The following SHC3 variants were observed in gnomAD, a reference collection of about 807,000 sequenced individuals.
The protein encoded by SHC3 is SHC-transforming protein 3.
In SHC3, 15 loss-of-function variants were observed where a neutral mutation model predicts 60.4. The ratio of observed to expected loss-of-function variants is 0.25; its 90% CI spans 0.17 to 0.38. SHC3 has a LOEUF of 0.38. Among genes scored for constraint, SHC3 ranks in the 10% least tolerant of loss-of-function variants. The probability of loss-of-function intolerance (pLI) is 1.00; values close to 1 mark genes in which losing one functional copy is unlikely to be tolerated. For missense variants in SHC3, 677 were observed against 786.1 expected (o/e 0.86, Z 1.66); for synonymous variants, 294 against 325.9 (o/e 0.90, Z 1.05).
intron 7 of SHC3, among the ~76,000 whole-genome samples, chr9:89,049,105 C>CA (rs1189727151): frequency 2.6e-5 from 4 of 151,990 alleles, no homozygotes; most frequent in Non-Finnish European, 4.4e-5. Context: ...ACTAAAAATA[C>CA]AAAAAATTAG....
intron 9 of SHC3, among the ~76,000 whole-genome samples, chr9:89,044,512 T>C (rs1206548676): frequency 6.6e-6 from 1 of 152,226 alleles, no homozygotes; most frequent in Middle Eastern, 3.2e-3. Context: ...TTTAGATACA[T>C]AGAAGCATCA....
chr9:89,128,907 A>T (rs1051939000), intron 1 of SHC3, among the ~76,000 whole-genome samples: 14 of 152,188 alleles, frequency 9.2e-5, no homozygotes, highest in African/African-American at 3.1e-4. Flanking sequence ...AGAATGACTT[A>T]GACAAGTTGA....
At chr9:89,092,295 T>C (rs1825633545) in intron 2 of SHC3, among the ~76,000 whole-genome samples, 1 of 152,164 alleles carries the variant, frequency 6.6e-6, no homozygotes, top group Non-Finnish European at 1.5e-5. Context: ...GACTATATTA[T>C]CATACAGCCA....
intron 6 of SHC3, among the ~76,000 whole-genome samples, chr9:89,053,310 G>A (rs1824892656): frequency 6.6e-6 from 1 of 152,338 alleles, no homozygotes; most frequent in East Asian, 1.9e-4. Flanking sequence ...ATTTCTTCAT[G>A]AGTTGTTGTT....
intron 1 of SHC3, among the ~76,000 whole-genome samples, chr9:89,141,428 A>C (rs745349524): frequency 2.0e-5 from 3 of 152,192 alleles, no homozygotes; most frequent in Non-Finnish European, 4.4e-5. Context: ...ATTAATCAAA[A>C]CTTTATGAAG....
chr9:89,130,700 A>C (rs1471270129), intron 1 of SHC3, among the ~76,000 whole-genome samples: 1 of 152,220 alleles, frequency 6.6e-6, no homozygotes, highest in East Asian at 1.9e-4. Flanking sequence ...AGAAATAAAG[A>C]TGCTCTTTGA....
At chr9:89,116,048 T>C (rs117677199) in intron 1 of SHC3, among the ~76,000 whole-genome samples, 2 of 152,214 alleles carry the variant, frequency 1.3e-5, no homozygotes, top group East Asian at 1.9e-4. Context: ...AGCAGAACCA[T>C]AGCACAGTTA....
rs528117518 is a variant in SHC3 at position 89,023,568 on chromosome 9, G to C, written c.1657-9993C>G. The stretch of plus-strand genomic sequence containing the variant: ...AAAACTGCTTGGCTTGGGGGAGGTG[G>C]AACTTCTTCCTGGCTACTTCTTTTA... On this transcript the variant is annotated intron_variant, in intron 11 of 11. Coordinates refer to ENST00000375835, the MANE Select transcript of SHC3 (RefSeq NM_016848.6). Among the ~76,000 whole-genome samples, 4 of 152,288 alleles carry C rather than the reference G, an allele frequency of 2.6e-5. No individual in the cohort carries two copies. The South Asian group carries it at 8.3e-4, about 32-fold the overall frequency.
chr9:89,053,361 C>T (rs1331340798), intron 6 of SHC3, among the ~76,000 whole-genome samples: 1 of 152,178 alleles, frequency 6.6e-6, no homozygotes, highest in Admixed American at 6.5e-5. Flanking sequence ...TGAACTGTGC[C>T]CTCCCTATAG....
intron 11 of SHC3, chr9:89,037,651 A>G: frequency 1.5e-6 from 1 of 654,048 alleles, no homozygotes; most frequent in Non-Finnish European, 2.8e-6. Flanking sequence ...TAAATATTAA[A>G]AGCCTAGGAG....
At chr9:89,132,008 C>A (rs940979480) in intron 1 of SHC3, among the ~76,000 whole-genome samples, 14 of 152,144 alleles carry the variant, frequency 9.2e-5, no homozygotes, top group African/African-American at 3.4e-4. Context: ...ATTTAGAAAA[C>A]CCCATCGTCT....
chr9:89,146,173 T>A (rs1350097499), intron 1 of SHC3, among the ~76,000 whole-genome samples: 1 of 151,692 alleles, frequency 6.6e-6, no homozygotes, highest in African/African-American at 2.4e-5. Flanking sequence ...CTGGTCAACA[T>A]GGTGAAACCC....
intron 1 of SHC3, among the ~76,000 whole-genome samples, chr9:89,157,823 T>C (rs1165076692): frequency 6.6e-6 from 1 of 152,106 alleles, no homozygotes; most frequent in Non-Finnish European, 1.5e-5. Flanking sequence ...GATCTGGCTA[T>C]GTTGCCCAGG....
intron 2 of SHC3, among the ~76,000 whole-genome samples, chr9:89,105,891 G>T (rs1825851822): frequency 6.6e-6 from 1 of 152,156 alleles, no homozygotes; most frequent in Non-Finnish European, 1.5e-5. Flanking sequence ...TGAATTGGTA[G>T]ATATTAATAA....
rs1302705723 is a variant in SHC3, at chr9:89,013,492, T to G, written c.1740A>C (p.Ala580=). The part of the protein sequence containing the change: ...HLESSLPIVS[A]GSELCLQQPV... ...GCTGCTGGAGACACAGCTCACTCCCTGCAGAGACAATGGGCAGGCTGCTTT... is the reference window on the plus strand; with the variant it reads ...GCTGCTGGAGACACAGCTCACTCCCGGCAGAGACAATGGGCAGGCTGCTTT... The change falls in exon 12 of 12, where the codon GCA becomes GCC. Residue 580 remains alanine, a synonymous_variant. Transcript: ENST00000375835. The G allele has an allele frequency of 6.2e-7, 1 of 1,613,908 alleles. No individual in the cohort carries two copies. Among genetic ancestry groups the G allele is most frequent in the Non-Finnish European group, 8.5e-7 (1 of 1,179,904 alleles).
At chr9:89,097,810 C>T (rs565009119) in intron 2 of SHC3, among the ~76,000 whole-genome samples, 60 of 152,248 alleles carry the variant, frequency 3.9e-4, no homozygotes, top group Non-Finnish European at 6.6e-4. Flanking sequence ...CAATCTCCAT[C>T]GCTTTTAGAC....
At chr9:89,079,681 C>A (rs1242299550) in intron 2 of SHC3, among the ~76,000 whole-genome samples, 1 of 152,192 alleles carries the variant, frequency 6.6e-6, no homozygotes, top group African/African-American at 2.4e-5. Context: ...AACTATGCAT[C>A]ACCAGTTAGA....
intron 11 of SHC3, among the ~76,000 whole-genome samples, chr9:89,033,502 A>G (rs553686068): frequency 3.9e-5 from 6 of 152,348 alleles, no homozygotes; most frequent in African/African-American, 1.4e-4. Flanking sequence ...TTCTGATTCT[A>G]CATCTGCTAG....
At chr9:89,168,916 A>G (rs1750246164) in intron 1 of SHC3, among the ~76,000 whole-genome samples, 1 of 152,026 alleles carries the variant, frequency 6.6e-6, no homozygotes, top group South Asian at 2.1e-4. Context: ...AAGCTGGGAC[A>G]CTATTTTTTC....
Sources: gnomAD v4.1 joint callset for allele counts (sites outside exome capture counted in the v4.1 genomes callset) on GRCh38, gnomAD v4.1.1 for gene constraint, MANE v1.5 for transcripts, NCBI Gene and HGNC (gene_info 2026-07-23, HGNC 2026-07-21) for gene names.